CHSY1: variants seen among roughly 807,000 people sequenced by gnomAD.
The protein encoded by CHSY1 is N-acetylgalactosaminyl-proteoglycan 3-beta-glucuronosyltransferase 1.
CHSY1 carries 13 observed loss-of-function variants against 59.8 expected under a neutral mutation model. That is an observed-to-expected ratio of 0.22 (90% CI 0.14 to 0.35). The LOEUF (loss-of-function observed/expected upper bound fraction) is 0.35. Ranked by LOEUF, CHSY1 falls within the 10% of genes least tolerant of loss-of-function variation. The pLI is 1.00. For synonymous variants in CHSY1, 459 were observed against 401.2 expected (o/e 1.14, Z -1.72); for missense variants, 947 against 1,030.6 (o/e 0.92, Z 1.11).
chr15:101,182,340 G>C (rs1023389609), intron 2 of CHSY1, among the ~76,000 whole-genome samples: 2 of 152,184 alleles, frequency 1.3e-5, no homozygotes, highest in Non-Finnish European at 2.9e-5. Flanking sequence ...TTCAGGTGGG[G>C]ATGATTAGTG....
intron 2 of CHSY1, among the ~76,000 whole-genome samples, chr15:101,195,822 C>CAAA (rs777935360): frequency 9.4e-5 from 7 of 74,382 alleles, no homozygotes; most frequent in Non-Finnish European, 1.8e-4. Context: ...GACTCCGTCT[C>CAAA]AAAAAAAAAA....
chr15:101,220,761 G>A (rs531580371), intron 2 of CHSY1, among the ~76,000 whole-genome samples: 2 of 152,334 alleles, frequency 1.3e-5, no homozygotes, highest in East Asian at 3.9e-4. Flanking sequence ...TCACTCACGT[G>A]CTCTAACTCA....
chr15:101,247,711 C>T (rs1374084499), intron 1 of CHSY1, among the ~76,000 whole-genome samples: 3 of 152,172 alleles, frequency 2.0e-5, no homozygotes, highest in African/African-American at 4.8e-5. Context: ...AAATCTGTTT[C>T]TTGTCTGCTA....
At chr15:101,182,719 T>C (rs541644073) in intron 2 of CHSY1, among the ~76,000 whole-genome samples, 18 of 152,136 alleles carry the variant, frequency 1.2e-4, no homozygotes, top group Non-Finnish European at 2.6e-4. Context: ...AACAGTACCA[T>C]AGATACCTAG....
At chr15:101,199,866 A>AC (rs1555434247) in intron 2 of CHSY1, among the ~76,000 whole-genome samples, 1 of 151,914 alleles carries the variant, frequency 6.6e-6, no homozygotes, top group Non-Finnish European at 1.5e-5. Context: ...CCAAAATAGA[A>AC]CCCCCAAAAC....
intron 2 of CHSY1, among the ~76,000 whole-genome samples, chr15:101,185,309 T>C (rs1330287298): frequency 6.6e-6 from 1 of 152,236 alleles, no homozygotes; most frequent in African/African-American, 2.4e-5. Context: ...TCATCTGTGA[T>C]TTCTGAATGG....
At chr15:101,224,885 G>A (rs1374403788) in intron 2 of CHSY1, among the ~76,000 whole-genome samples, 1 of 152,204 alleles carries the variant, frequency 6.6e-6, no homozygotes, top group Non-Finnish European at 1.5e-5. Flanking sequence ...ATGATTAAAT[G>A]TTAGAACTAA....
At chr15:101,207,990 AG>A (rs2038644814) in intron 2 of CHSY1, among the ~76,000 whole-genome samples, 1 of 152,234 alleles carries the variant, frequency 6.6e-6, no homozygotes, top group Non-Finnish European at 1.5e-5. Flanking sequence ...ACCGGGAAGG[AG>A]GCATTGCAAC....
chr15:101,203,191 G>T (rs145375617), intron 2 of CHSY1, among the ~76,000 whole-genome samples: 9 of 152,322 alleles, frequency 5.9e-5, no homozygotes, highest in East Asian at 1.9e-4. Context: ...AATAGGGGGG[G>T]TGAGGGAGTA....
chr15:101,181,572 A>G (rs1272696216), intron 2 of CHSY1, among the ~76,000 whole-genome samples: 1 of 152,114 alleles, frequency 6.6e-6, no homozygotes, highest in Non-Finnish European at 1.5e-5. Context: ...CTCCCCATGT[A>G]TCTCCGACCC....
At chr15:101,203,632 T>C (rs2038594761) in intron 2 of CHSY1, among the ~76,000 whole-genome samples, 1 of 152,208 alleles carries the variant, frequency 6.6e-6, no homozygotes, top group South Asian at 2.1e-4. Context: ...GCAAAAGTAG[T>C]GATTTTTACA....
At chr15:101,208,834 T>C (rs1041634824) in intron 2 of CHSY1, among the ~76,000 whole-genome samples, 2 of 151,456 alleles carry the variant, frequency 1.3e-5, no homozygotes, top group African/African-American at 2.4e-5. Flanking sequence ...TTAAATAAAA[T>C]AGGAATACAA....
In CHSY1 at chr15:101,251,166, G is replaced by T; in HGVS notation, c.291C>A (p.Tyr97Ter). The T allele has an allele frequency of 6.3e-7, 1 of 1,597,092 alleles. No homozygotes were observed. The highest frequency in any genetic ancestry group is 8.5e-7 in the Non-Finnish European group (1 of 1,175,234). The change falls in exon 1 of 3, where the codon TAC becomes TAA. Residue 97 changes from tyrosine (Y) to a stop codon, truncating the protein, a stop_gained. Transcript: ENST00000254190. LOFTEE classifies it high-confidence loss of function. ...LFVGVMTAQK[Y>*]LQTRAVAAYR... ...AGGCGGCCACGGCCCGAGTCTGCAG[G>T]TATTTCTGGGCGGTCATGACTCCCA...
At chr15:101,211,220 A>G (rs2038678847) in intron 2 of CHSY1, among the ~76,000 whole-genome samples, 1 of 152,176 alleles carries the variant, frequency 6.6e-6, no homozygotes, top group Non-Finnish European at 1.5e-5. Flanking sequence ...GCTACCTGGG[A>G]GGCTGAGGCA....
intron 2 of CHSY1, among the ~76,000 whole-genome samples, chr15:101,219,101 G>A (rs1008629298): frequency 3.3e-5 from 5 of 152,146 alleles, no homozygotes; most frequent in Admixed American, 6.5e-5. Context: ...AGGGAAGAAC[G>A]GAAGCAGAGG....
At chr15:101,194,633 G>A (rs933412072) in intron 2 of CHSY1, among the ~76,000 whole-genome samples, 1 of 152,090 alleles carries the variant, frequency 6.6e-6, no homozygotes, top group Non-Finnish European at 1.5e-5. Context: ...ACAGTGCAGT[G>A]GTCTTCAATC....
intron 2 of CHSY1, among the ~76,000 whole-genome samples, chr15:101,203,642 A>G (rs537454666): frequency 6.6e-6 from 1 of 152,376 alleles, no homozygotes; most frequent in South Asian, 2.1e-4. Flanking sequence ...TGATTTTTAC[A>G]GAGGAGAATC....
chr15:101,216,122 A>C (rs542334448), intron 2 of CHSY1, among the ~76,000 whole-genome samples: 1 of 145,506 alleles, frequency 6.9e-6, no homozygotes, highest in African/African-American at 2.5e-5. Flanking sequence ...CACAGTACCA[A>C]ATAAAAGCAC....
intron 2 of CHSY1, among the ~76,000 whole-genome samples, chr15:101,225,313 C>T (rs971823771): frequency 2.2e-4 from 34 of 152,182 alleles, no homozygotes; most frequent in African/African-American, 8.2e-4. Flanking sequence ...AGTGATTCTC[C>T]CACCTTGGTG....
Sources: gnomAD v4.1 joint callset for allele counts (sites outside exome capture counted in the v4.1 genomes callset) on GRCh38, gnomAD v4.1.1 for gene constraint, MANE v1.5 for transcripts, NCBI Gene and HGNC (gene_info 2026-07-23, HGNC 2026-07-21) for gene names.